The following LTA variants were observed in gnomAD, a reference collection of about 807,000 sequenced individuals.
LTA encodes the protein lymphotoxin-alpha.
In LTA, 6 loss-of-function variants were observed where a neutral mutation model predicts 15.1. That is an observed-to-expected ratio of 0.40 (90% CI 0.22 to 0.78). The LOEUF is 0.78. Among genes scored for constraint, LTA ranks in the 30% least tolerant of loss-of-function variants. LTA has a pLI of 0.38. For synonymous variants in LTA, 87 were observed against 107.3 expected, an observed-to-expected ratio of 0.81 and a Z score of 1.17; for missense variants, 173 against 249.5, an observed-to-expected ratio of 0.69 and a Z score of 2.06.
chr6:31,572,975 T>C lies in LTA; in HGVS notation c.147T>C (p.Arg49=). Residue 49 remains arginine (R), a synonymous_variant, in exon 3 of 4, where the codon CGT becomes CGC. Coordinates refer to ENST00000418386, the MANE Select transcript of LTA (RefSeq NM_000595.4). ...GLTPSAAQTA[R]QHPKMHLAHS... is the part of the protein sequence containing the mutation. ...CACCTTCAGCTGCCCAGACTGCCCG[T>C]CAGCACCCCAAGATGCATCTTGCCC... is the stretch of plus-strand genomic sequence containing the variant. 1 of 1,612,730 alleles carries C rather than the reference T, an allele frequency of 6.2e-7. No individual in the cohort carries two copies. The highest frequency in any genetic ancestry group is 8.5e-7 in the Non-Finnish European group (1 of 1,179,860).
chr6:31,572,345 G>A lies in LTA; in HGVS notation c.-111G>A, dbSNP rs1375927671. On this transcript the variant is annotated 5_prime_UTR_variant, in exon 1 of 4. The change creates a new upstream start codon in the 5' untranslated region. Transcript: ENST00000418386. ...CATCTCCTTGGGCTGCCCGTGCTTC[G>A]TGCTTTGGACTACCGCCCAGCAGTG... The A allele has an allele frequency of 3.3e-6, 1 of 298,954 alleles. No individual in the cohort carries two copies. The highest frequency in any genetic ancestry group is 6.3e-6 in the Non-Finnish European group (1 of 159,704). The allele number at this position is 298,954 out of a possible 1,614,324, so 18.5% of individuals were successfully genotyped here.
upstream of LTA, among the ~76,000 whole-genome samples, chr6:31,569,660 G>C (rs1770733731): frequency 6.6e-6 from 1 of 152,106 alleles, no homozygotes. Flanking sequence ...TGGCGGGCTT[G>C]GTGGCGTGTG....
chr6:31,570,644 GA>G (rs1336383734), upstream of LTA, among the ~76,000 whole-genome samples: 1 of 152,086 alleles, frequency 6.6e-6, no homozygotes, highest in Non-Finnish European at 1.5e-5. Flanking sequence ...ACAAAAACTA[GA>G]AACAAACCAA....
chr6:31,572,410 C>T lies in LTA; in HGVS notation c.-46C>T, dbSNP rs1213821326. 6 of 488,810 alleles carry T rather than the reference C, an allele frequency of 1.2e-5. No homozygotes were observed. The highest frequency in any genetic ancestry group is 2.2e-5 in the Non-Finnish European group (6 of 272,522). The allele number at this position is 488,810 out of a possible 1,614,324, so 30.3% of individuals were successfully genotyped here. ...TGGGCCTCGGTCCCTCCTGCACCTG[C>T]TGCCTGGATCCCCGGCCTGCCTGGG... On this transcript the variant is annotated 5_prime_UTR_variant, in exon 1 of 4. Coordinates refer to ENST00000418386, the MANE Select transcript of LTA (RefSeq NM_000595.4).
In LTA at chr6:31,573,923, C is replaced by G. The variant is rs1446699342; in HGVS notation, c.*230C>G. On this transcript the variant is annotated 3_prime_UTR_variant, in exon 4 of 4. Transcript: ENST00000418386. ...TGTCTGTCTGGCTGAGGATTTCAAG[C>G]CTGCCTAGGAATTCCCAGCCCAAAG... The G allele has an allele frequency of 1.3e-5, 9 of 703,778 alleles. No individual in the cohort carries two copies. Among genetic ancestry groups the G allele is most frequent in the Non-Finnish European group, 2.3e-5 (9 of 389,216 alleles). The allele number at this position is 703,778 out of a possible 1,614,324, so 43.6% of individuals were successfully genotyped here. A position where few individuals can be genotyped will look rare whatever the true frequency, so the allele number is the denominator to read the frequency against.
Position 31,572,739 on chromosome 6 carries a change from C to G in LTA, c.-4C>G. The G allele has an allele frequency of 6.2e-7, 1 of 1,603,962 alleles. No individual in the cohort carries two copies. The highest frequency in any genetic ancestry group is 1.1e-5 in the South Asian group (1 of 90,984). On this transcript the variant is annotated 5_prime_UTR_variant, in exon 2 of 4. Transcript: ENST00000418386. ...CTCTCTCTCTTTCTCTGCAGGTTCTCCCCATGACACCACCTGAACGTCTCT... is the reference window on the plus strand; with the variant it reads ...CTCTCTCTCTTTCTCTGCAGGTTCTGCCCATGACACCACCTGAACGTCTCT...
chr6:31,573,136 C>G (rs1402179216), intron 3 of LTA, 103 bp downstream of exon 3: 1 of 1,202,294 alleles, frequency 8.3e-7, no homozygotes, highest in Non-Finnish European at 1.2e-6. Context: ...TTCCCCCACG[C>G]TAAAAAAAAC....
the LTA span, among the ~76,000 whole-genome samples, chr6:31,564,405 G>A: frequency 1.3e-5 from 2 of 152,000 alleles, no homozygotes; most frequent in African/African-American, 4.8e-5. Context: ...TCAGCCTTCC[G>A]AGTAGCTGGG....
chr6:31,565,267 G>A, the LTA span, among the ~76,000 whole-genome samples: 1 of 152,200 alleles, frequency 6.6e-6, no homozygotes, highest in Admixed American at 6.5e-5. Context: ...ATTTGAAAAT[G>A]TGAAGAGTTC....
chr6:31,572,516 C>T, intron 1 of LTA, 70 bp downstream of exon 1: 1 of 590,336 alleles, frequency 1.7e-6, no homozygotes, highest in South Asian at 2.1e-5. Context: ...CTCTGTCACA[C>T]ATTCTCTGTT....
chr6:31,572,393 G>T lies in LTA; in HGVS notation c.-63G>T. On this transcript the variant is annotated 5_prime_UTR_variant, in exon 1 of 4. Coordinates refer to ENST00000418386, the MANE Select transcript of LTA (RefSeq NM_000595.4). Reference sequence around the variant, plus strand: ...GTGTCCTGCCCTCTGCCTGGGCCTCGGTCCCTCCTGCACCTGCTGCCTGGA... The same window carrying T: ...GTGTCCTGCCCTCTGCCTGGGCCTCTGTCCCTCCTGCACCTGCTGCCTGGA... The T allele has an allele frequency of 2.3e-6, 1 of 429,698 alleles. No individual in the cohort carries two copies. The highest frequency in any genetic ancestry group is 4.2e-6 in the Non-Finnish European group (1 of 237,796). The allele number at this position is 429,698 out of a possible 1,614,324, so 26.6% of individuals were successfully genotyped here. A position where few individuals can be genotyped will look rare whatever the true frequency, so the allele number is the denominator to read the frequency against.
chr6:31,567,835 G>C (rs187166036), upstream of LTA, among the ~76,000 whole-genome samples: 292 of 151,834 alleles, frequency 1.9e-3, 1 homozygote, highest in African/African-American at 6.7e-3. Flanking sequence ...CTCTCTCTCT[G>C]CTCCAGCCAC....
At chr6:31,561,719 A>G in the LTA span, among the ~76,000 whole-genome samples, 10 of 152,094 alleles carry the variant, frequency 6.6e-5, no homozygotes, top group Admixed American at 5.9e-4. Flanking sequence ...TTAAGCACCT[A>G]TTAGGAGCAG....
chr6:31,564,325 G>C, the LTA span, among the ~76,000 whole-genome samples: 1 of 152,090 alleles, frequency 6.6e-6, no homozygotes, highest in Non-Finnish European at 1.5e-5. Flanking sequence ...TGTCACCCAG[G>C]CTGGAGTGCA....
Position 31,573,025 on chromosome 6 carries a change from A to G in LTA, c.197A>G (p.His66Arg). The change falls in exon 3 of 4, where the codon CAC becomes CGC. Residue 66 changes from histidine to arginine, a missense_variant. Physicochemically the swap from His to Arg is conservative, Grantham distance 29. Coordinates refer to ENST00000418386, the MANE Select transcript of LTA (RefSeq NM_000595.4). ...CACAGCACCCTCAAACCTGCTGCTCACCTCATTGGTAAACATCCACCTGAC... is the reference window on the plus strand; with the variant it reads ...CACAGCACCCTCAAACCTGCTGCTCGCCTCATTGGTAAACATCCACCTGAC... ...LAHSTLKPAA[H>R]LIGDPSKQNS... 6.2e-7 allele frequency: 1 copy of G among 1,610,890 alleles called. No homozygotes were observed. The highest frequency in any genetic ancestry group is 8.5e-7 in the Non-Finnish European group (1 of 1,179,132).
the LTA span, among the ~76,000 whole-genome samples, chr6:31,561,166 G>A: frequency 3.9e-5 from 6 of 152,298 alleles, no homozygotes; most frequent in South Asian, 1.2e-3. Flanking sequence ...GCACAGGTGT[G>A]AGGGAACATG....
chr6:31,573,100 C>A, intron 3 of LTA, 67 bp downstream of exon 3: 1 of 1,403,532 alleles, frequency 7.1e-7, no homozygotes, highest in Non-Finnish European at 1.0e-6. Flanking sequence ...CCTCAGGAAC[C>A]CAAGCATCCA....
chr6:31,573,737 C>A lies in LTA; in HGVS notation c.*44C>A. ...AAGAAAAAATAATTGATTTCAAGAC[C>A]TTCTCCCCATTCTGCCTCCATTCTG... On this transcript the variant is annotated 3_prime_UTR_variant, in exon 4 of 4. Transcript: ENST00000418386. 6.2e-7 allele frequency: 1 copy of A among 1,607,362 alleles called. No homozygotes were observed. The highest frequency in any genetic ancestry group is 8.5e-7 in the Non-Finnish European group (1 of 1,175,678).
the LTA span, among the ~76,000 whole-genome samples, chr6:31,565,822 A>G: frequency 6.6e-6 from 1 of 152,036 alleles, no homozygotes; most frequent in African/African-American, 2.4e-5. Flanking sequence ...TCTCTTCACC[A>G]TCAATGCCAC....
Sources: gnomAD v4.1 joint callset for allele counts (sites outside exome capture counted in the v4.1 genomes callset) on GRCh38, gnomAD v4.1.1 for gene constraint, MANE v1.5 for transcripts, NCBI Gene and HGNC (gene_info 2026-07-23, HGNC 2026-07-21) for gene names.